Variants in CLTCL1 observed in about 807,000 individuals in gnomAD.
The protein encoded by CLTCL1 is clathrin heavy chain like 1, also known as clathrin heavy chain 2.
Under a neutral mutation model 190.0 loss-of-function variants are expected in CLTCL1, and 159 were observed. That is an observed-to-expected ratio of 0.84 (90% confidence interval 0.74 to 0.95). The LOEUF (loss-of-function observed/expected upper bound fraction) is 0.95. Ranked by LOEUF, CLTCL1 falls within the 40% of genes least tolerant of loss-of-function variation. The pLI is 0.00. For missense variants in CLTCL1, 1,878 were observed against 2,033.4 expected (o/e 0.92, Z 1.47); for synonymous variants, 752 against 769.6 (o/e 0.98, Z 0.38).
chr22:19,232,519 C>A lies in CLTCL1; in HGVS notation c.1601G>T (p.Arg534Leu), dbSNP rs375606431. Residue 534 changes from arginine to leucine, a missense_variant, in exon 10 of 33, where the codon CGA becomes CTA. Physicochemically the swap from Arg to Leu is moderately radical, Grantham distance 102. Transcript: ENST00000427926. ...CGGCTCCTCGTCCTGCACTAGCATT[C>A]GAGAAAACTGCAGGCCCTGTTCCGG... Reference protein sequence around the residue: ...ISPEQGLQFSRMLVQDEEPLA... With the variant: ...ISPEQGLQFSLMLVQDEEPLA... The A allele has an allele frequency of 8.7e-6, 14 of 1,613,988 alleles. No homozygotes were observed. In the African/African-American group the frequency reaches 1.5e-4, roughly 17 times the overall value.
At chr22:19,190,176 G>C (rs2084444955) in intron 27 of CLTCL1, among the ~76,000 whole-genome samples, 1 of 152,072 alleles carries the variant, frequency 6.6e-6, no homozygotes, top group South Asian at 2.1e-4. Flanking sequence ...CCTGACCTCG[G>C]GTGATCCGCC....
rs2085949287 is a variant in CLTCL1, at chr22:19,232,552, T to C, written c.1568A>G (p.Lys523Arg). 5 of 1,613,944 alleles carry C rather than the reference T, an allele frequency of 3.1e-6. No individual in the cohort carries two copies. The highest frequency in any genetic ancestry group is 4.2e-6 in the Non-Finnish European group (5 of 1,179,872). ...CTGCAGGCCCTGTTCCGGACTGATC[T>C]TCATTACACCCCTCAGCAGAAAGAT... is the stretch of plus-strand genomic sequence containing the variant. The part of the protein sequence containing the change: ...DWIFLLRGVM[K>R]ISPEQGLQFS... The change falls in exon 10 of 33, where the codon AAG (lysine) becomes AGG (arginine). Residue 523 changes from lysine (K) to arginine (R), a missense_variant. Lys to Arg is a conservative substitution (Grantham distance 26). Coordinates refer to ENST00000427926, the MANE Select transcript of CLTCL1 (RefSeq NM_007098.4).
intron 2 of CLTCL1, among the ~76,000 whole-genome samples, chr22:19,275,256 C>G (rs958326238): frequency 6.6e-6 from 1 of 152,130 alleles, no homozygotes; most frequent in East Asian, 1.9e-4. Context: ...GGAAAACCCC[C>G]GAGCCTGTGT....
chr22:19,183,655 G>A (rs1555926969), intron 29 of CLTCL1, 44 bp from the exon 30 acceptor site: 2 of 1,584,366 alleles, frequency 1.3e-6, no homozygotes, highest in South Asian at 1.1e-5. Context: ...TGCAGGCAGA[G>A]GCTTTGTGCC....
chr22:19,273,054 A>C (rs11703596), intron 2 of CLTCL1, among the ~76,000 whole-genome samples: 11,776 of 152,138 alleles, frequency 0.077, 522 homozygotes, highest in Middle Eastern at 0.17. Context: ...GCACCCCCCC[A>C]CACACCCTGT....
intron 7 of CLTCL1, among the ~76,000 whole-genome samples, 184 bp downstream of exon 7, chr22:19,234,325 A>G (rs1366707189): frequency 6.6e-6 from 1 of 152,242 alleles, no homozygotes; most frequent in African/African-American, 2.4e-5. Flanking sequence ...CGATGCAGCA[A>G]GAGTGTGTTT....
chr22:19,268,019 T>C (rs1257780693), intron 2 of CLTCL1, among the ~76,000 whole-genome samples: 2 of 152,206 alleles, frequency 1.3e-5, no homozygotes, highest in Non-Finnish European at 2.9e-5. Flanking sequence ...TTAGTAAGTT[T>C]TGCCCTTCAA....
rs2084373225 is a variant in CLTCL1, at chr22:19,188,094, G to A, written c.4324-3C>T. On this transcript the variant is annotated splice_polypyrimidine_tract_variant and splice_region_variant and intron_variant, in intron 27 of 32. Coordinates refer to ENST00000427926, the MANE Select transcript of CLTCL1 (RefSeq NM_007098.4). Reference sequence around the variant, plus strand: ...TTCACCAGGGGCAGCTGACCTGCCTGACAAGTTGAGGGAACCGTCAAGGCA... The same window carrying A: ...TTCACCAGGGGCAGCTGACCTGCCTAACAAGTTGAGGGAACCGTCAAGGCA... 2.5e-6 allele frequency: 4 copies of A among 1,613,704 alleles called. No homozygotes were observed. The highest frequency in any genetic ancestry group is 3.4e-6 in the Non-Finnish European group (4 of 1,179,762).
At chr22:19,213,438 T>C (rs1422092974) in intron 19 of CLTCL1, among the ~76,000 whole-genome samples, 1 of 152,218 alleles carries the variant, frequency 6.6e-6, no homozygotes, top group Non-Finnish European at 1.5e-5. Context: ...ACAGTACATA[T>C]ACCATGTGAT....
intron 27 of CLTCL1, among the ~76,000 whole-genome samples, chr22:19,188,383 T>C (rs2084382952): frequency 1.3e-5 from 2 of 152,220 alleles, no homozygotes; most frequent in South Asian, 4.1e-4. Context: ...GTCATATTAA[T>C]TCATGTTTAC....
At chr22:19,263,707 C>T (rs1480440607) in intron 2 of CLTCL1, among the ~76,000 whole-genome samples, 2 of 152,224 alleles carry the variant, frequency 1.3e-5, no homozygotes, top group Admixed American at 1.3e-4. Flanking sequence ...GCGTGAGCCA[C>T]TGCACCCAGC....
chr22:19,266,284 C>T (rs554886615), intron 2 of CLTCL1, among the ~76,000 whole-genome samples: 7 of 152,016 alleles, frequency 4.6e-5, no homozygotes, highest in African/African-American at 1.7e-4. Context: ...TTAAAAGAAG[C>T]GAATATTATG....
intron 29 of CLTCL1, 22 bp downstream of exon 29, chr22:19,187,536 G>A (rs782043581): frequency 1.3e-6 from 2 of 1,596,094 alleles, no homozygotes; most frequent in East Asian, 4.5e-5. Context: ...AAGGTGGGAG[G>A]AAACGGGCCC....
At chr22:19,289,717 GGAA>G (rs1466344214) in intron 1 of CLTCL1, among the ~76,000 whole-genome samples, 17 of 152,112 alleles carry the variant, frequency 1.1e-4, no homozygotes, top group Non-Finnish European at 2.5e-4. Context: ...TCCCTTATAG[GGAA>G]GAAGGATACC....
chr22:19,219,357 G>A (rs530157078), intron 18 of CLTCL1, among the ~76,000 whole-genome samples: 5 of 150,912 alleles, frequency 3.3e-5, no homozygotes, highest in East Asian at 2.0e-4. Flanking sequence ...GTGTGTTTTC[G>A]TATTTTTAGT....
chr22:19,241,685 G>A (rs781840519), intron 4 of CLTCL1, among the ~76,000 whole-genome samples: 1 of 152,214 alleles, frequency 6.6e-6, no homozygotes, highest in Non-Finnish European at 1.5e-5. Flanking sequence ...CCACAATGGC[G>A]GAACCCAAGG....
intron 19 of CLTCL1, among the ~76,000 whole-genome samples, chr22:19,211,729 T>C (rs571393098): frequency 5.6e-5 from 8 of 142,560 alleles, no homozygotes; most frequent in Non-Finnish European, 9.0e-5. Context: ...ATTGCGCCAC[T>C]GCACTCCAGC....
intron 13 of CLTCL1, among the ~76,000 whole-genome samples, chr22:19,224,421 A>G (rs1374456401): frequency 2.0e-5 from 3 of 152,178 alleles, no homozygotes; most frequent in African/African-American, 7.2e-5. Flanking sequence ...GGACAGAGAA[A>G]TAAGCCATGG....
At chr22:19,269,623 T>C (rs1277889382) in intron 2 of CLTCL1, among the ~76,000 whole-genome samples, 3 of 152,196 alleles carry the variant, frequency 2.0e-5, no homozygotes, top group Non-Finnish European at 4.4e-5. Context: ...TGAGATCATG[T>C]CCTTTGCAGG....
Sources: gnomAD v4.1 joint callset for allele counts (sites outside exome capture counted in the v4.1 genomes callset) on GRCh38, gnomAD v4.1.1 for gene constraint, MANE v1.5 for transcripts, NCBI Gene and HGNC (gene_info 2026-07-23, HGNC 2026-07-21) for gene names.